SORCS1: variants seen among roughly 807,000 people sequenced by gnomAD.
SORCS1 encodes VPS10 domain-containing receptor SorCS1.
SORCS1 carries 60 observed loss-of-function variants against 146.1 expected under a neutral mutation model. The observed-to-expected ratio is 0.41, with a 90% CI of 0.33 to 0.51. The LOEUF (loss-of-function observed/expected upper bound fraction) is 0.51. SORCS1 is among the 20% of genes least tolerant of loss of function. SORCS1 has a pLI of 0.21. For missense variants in SORCS1, 1,352 were observed against 1,487.6 expected (o/e 0.91, Z 1.50); for synonymous variants, 637 against 584.0 (o/e 1.09, Z -1.31).
chr10:106,804,275 G>A (rs1303728646), intron 3 of SORCS1, among the ~76,000 whole-genome samples: 1 of 151,838 alleles, frequency 6.6e-6, no homozygotes, highest in Non-Finnish European at 1.5e-5. Context: ...TTGTGCTGCA[G>A]TGATCCATGA....
chr10:106,814,106 C>A (rs1408639602), intron 3 of SORCS1, among the ~76,000 whole-genome samples: 3 of 152,170 alleles, frequency 2.0e-5, no homozygotes, highest in Admixed American at 2.0e-4. Context: ...GGACTTACAA[C>A]AAGGTTTTCT....
At chr10:106,610,816 C>T (rs900619663) in intron 22 of SORCS1, among the ~76,000 whole-genome samples, 10 of 152,072 alleles carry the variant, frequency 6.6e-5, no homozygotes, top group African/African-American at 9.7e-5. Flanking sequence ...CAGTGGCTCA[C>T]GCCTGTAATC....
chr10:106,707,289 A>G (rs1223358934), intron 7 of SORCS1, among the ~76,000 whole-genome samples: 1 of 151,740 alleles, frequency 6.6e-6, no homozygotes, highest in Admixed American at 6.6e-5. Context: ...CCCAGGTTCA[A>G]GTGATTCTCC....
intron 9 of SORCS1, among the ~76,000 whole-genome samples, chr10:106,689,344 A>G (rs1008368589): frequency 6.6e-5 from 10 of 152,196 alleles, no homozygotes; most frequent in Non-Finnish European, 1.2e-4. Context: ...CAGTGAGGAA[A>G]AGGACTGAAA....
At chr10:106,818,853 T>G (rs1281674211) in intron 3 of SORCS1, among the ~76,000 whole-genome samples, 3 of 152,204 alleles carry the variant, frequency 2.0e-5, no homozygotes, top group Admixed American at 2.0e-4. Flanking sequence ...TGACAAATAT[T>G]TGCATCTCTG....
At chr10:106,679,448 G>C in intron 11 of SORCS1, 116 bp from the exon 12 acceptor site, 1 of 980,726 alleles carries the variant, frequency 1.0e-6, no homozygotes, top group South Asian at 1.6e-5. Flanking sequence ...TGTCTGTGCA[G>C]GGGTTTTCTG....
chr10:107,177,880 C>T, the SORCS1 span, among the ~76,000 whole-genome samples: 3 of 152,118 alleles, frequency 2.0e-5, no homozygotes, highest in African/African-American at 7.2e-5. Flanking sequence ...AGCCATTATT[C>T]TCAGCAAACA....
intron 1 of SORCS1, among the ~76,000 whole-genome samples, chr10:107,115,920 G>C (rs1966010035): frequency 6.6e-6 from 1 of 151,926 alleles, no homozygotes. Context: ...ACAAATCCCT[G>C]ATTAAAAAGT....
At chr10:106,944,837 A>AC (rs1398589720) in intron 2 of SORCS1, among the ~76,000 whole-genome samples, 2 of 133,982 alleles carry the variant, frequency 1.5e-5, no homozygotes, top group Admixed American at 1.6e-4. Context: ...GAAAGAAACA[A>AC]AGAGAGCTAT....
intron 1 of SORCS1, among the ~76,000 whole-genome samples, chr10:106,993,777 T>G (rs995577575): frequency 6.6e-6 from 1 of 152,010 alleles, no homozygotes; most frequent in African/African-American, 2.4e-5. Context: ...TTTTCATATA[T>G]AGAAGGGAAA....
chr10:106,920,090 A>C (rs995289877), intron 2 of SORCS1, among the ~76,000 whole-genome samples: 11 of 152,174 alleles, frequency 7.2e-5, no homozygotes, highest in South Asian at 2.1e-4. Flanking sequence ...CCCAAAAAAG[A>C]AGCTTTGGAC....
chr10:106,904,504 T>A lies in SORCS1; in HGVS notation c.626+52009A>T, dbSNP rs150074884. 8.5e-5 allele frequency among the ~76,000 whole-genome samples: 13 copies of A among 152,150 alleles called. No homozygotes were observed. In the East Asian group the frequency reaches 2.5e-3, roughly 29 times the overall value. On this transcript the variant is annotated intron_variant, in intron 2 of 25. Coordinates refer to ENST00000263054, the MANE Select transcript of SORCS1 (RefSeq NM_052918.5). ...AATCACAGCTCTGGGTGTGTGAGGA[T>A]TGTAGAGGATTGTTGAGGAGAGCAA...
At chr10:107,100,755 G>T (rs1964869356) in intron 1 of SORCS1, among the ~76,000 whole-genome samples, 1 of 152,160 alleles carries the variant, frequency 6.6e-6, no homozygotes, top group South Asian at 2.1e-4. Flanking sequence ...AACTCCTACA[G>T]ACAGTTCAGG....
chr10:106,760,514 C>G (rs1468824734), intron 5 of SORCS1, among the ~76,000 whole-genome samples: 1 of 149,468 alleles, frequency 6.7e-6, no homozygotes, highest in Non-Finnish European at 1.5e-5. Flanking sequence ...TGGACACAGA[C>G]AGAAGGCAGC....
chr10:106,638,802 C>G (rs573919886), intron 18 of SORCS1, among the ~76,000 whole-genome samples: 6 of 152,212 alleles, frequency 3.9e-5, no homozygotes, highest in African/African-American at 1.2e-4. Flanking sequence ...AGGTGGCAAC[C>G]TGGGAATTAG....
chr10:106,837,841 A>G (rs1948848459), intron 2 of SORCS1, among the ~76,000 whole-genome samples: 1 of 151,818 alleles, frequency 6.6e-6, no homozygotes, highest in Non-Finnish European at 1.5e-5. Context: ...TTTCTGAACA[A>G]TGCTCATGTT....
intron 2 of SORCS1, among the ~76,000 whole-genome samples, chr10:106,835,400 G>T (rs1486997669): frequency 1.3e-5 from 2 of 152,128 alleles, no homozygotes; most frequent in African/African-American, 4.8e-5. Context: ...TTTCTTGATT[G>T]TTTTTGGTGT....
intron 1 of SORCS1, among the ~76,000 whole-genome samples, chr10:106,963,629 A>G (rs1955363764): frequency 6.6e-6 from 1 of 152,006 alleles, no homozygotes; most frequent in South Asian, 2.1e-4. Context: ...GGCATAAAAC[A>G]ATAAATATAA....
At chr10:106,857,578 C>T (rs928502876) in intron 2 of SORCS1, among the ~76,000 whole-genome samples, 4 of 152,176 alleles carry the variant, frequency 2.6e-5, no homozygotes, top group Admixed American at 6.5e-5. Context: ...AAGCCAAGGG[C>T]GCATTGGGTG....
Sources: allele counts gnomAD v4.1 joint callset (sites outside exome capture counted in the v4.1 genomes callset), GRCh38; gene constraint gnomAD v4.1.1; transcripts MANE v1.5; gene names NCBI Gene and HGNC (gene_info 2026-07-23, HGNC 2026-07-21).